The following SEPTIN6 variants were observed in gnomAD, a reference collection of about 807,000 sequenced individuals.
SEPTIN6 encodes the protein septin-6.
SEPTIN6 carries 8 observed loss-of-function variants against 33.6 expected under a neutral mutation model. That is an observed-to-expected ratio of 0.24 (90% CI 0.14 to 0.43). SEPTIN6 has a LOEUF of 0.43. Ranked by LOEUF, SEPTIN6 falls within the 20% of genes least tolerant of loss-of-function variation. SEPTIN6 has a pLI of 1.00. For missense variants in SEPTIN6, 250 were observed against 340.8 expected (o/e 0.73, Z 2.10); for synonymous variants, 131 against 140.0 (o/e 0.94, Z 0.45).
downstream of SEPTIN6, chrX:119,616,149 AC>A (rs1333584010): frequency 3.9e-5 from 8 of 204,443 alleles, no homozygotes; most frequent in Non-Finnish European, 7.3e-5. Flanking sequence ...CTAAGCTTAA[AC>A]CCCCTCCCTT....
intron 3 of SEPTIN6, among the ~76,000 whole-genome samples, chrX:119,654,885 T>C (rs2054413609): frequency 9.0e-6 from 1 of 111,347 alleles, no homozygotes; most frequent in Non-Finnish European, 1.9e-5. Flanking sequence ...ATCTCTTGGT[T>C]GCAAAGATCC....
At position 119,638,697 on chromosome X, in the gene SEPTIN6, C is replaced by T. The variant is rs569735924; in HGVS notation, c.788-1502G>A. On this transcript the variant is annotated intron_variant, in intron 6 of 10. Coordinates refer to ENST00000394610, the MANE Select transcript of SEPTIN6 (RefSeq NM_145799.4). ...GCCCCCTGCTGTCATAGAACACAGG[C>T]TAATATTAAAGATGACATCAGTAAG... Among the ~76,000 whole-genome samples the T allele has an allele frequency of 2.1e-4, 24 of 111,703 alleles. No homozygotes were observed. In the South Asian group the frequency reaches 8.6e-3, roughly 40 times the overall value.
intron 8 of SEPTIN6, among the ~76,000 whole-genome samples, chrX:119,630,106 G>C (rs1380454471): frequency 1.8e-5 from 2 of 111,860 alleles, no homozygotes; most frequent in East Asian, 5.6e-4. Context: ...GGCAACAGAG[G>C]AAGACTCCGT....
At chrX:119,683,096 T>C (rs1243342025) in intron 1 of SEPTIN6, among the ~76,000 whole-genome samples, 2 of 110,829 alleles carry the variant, frequency 1.8e-5, no homozygotes, top group East Asian at 5.6e-4. Context: ...CTACTGAAAA[T>C]ACAAAAATTA....
intron 8 of SEPTIN6, among the ~76,000 whole-genome samples, chrX:119,630,820 G>A (rs774996258): frequency 9.1e-6 from 1 of 109,918 alleles, no homozygotes; most frequent in African/African-American, 3.3e-5. Context: ...TTGAACCCGG[G>A]AGGCGGAGCT....
At chrX:119,686,743 A>G (rs774183041) in intron 1 of SEPTIN6, 1 of 375,663 alleles carries the variant, frequency 2.7e-6, no homozygotes, top group Non-Finnish European at 4.3e-6. Context: ...TGGTGGCTCC[A>G]AGATTTTTAT....
At chrX:119,684,802 G>A (rs1225446877) in intron 1 of SEPTIN6, among the ~76,000 whole-genome samples, 1 of 111,590 alleles carries the variant, frequency 9.0e-6, no homozygotes, top group African/African-American at 3.3e-5. Flanking sequence ...AGTTCCCACA[G>A]GTTTTAAAAA....
At chrX:119,635,083 T>C (rs1420632875) in intron 7 of SEPTIN6, 2 of 334,887 alleles carry the variant, frequency 6.0e-6, no homozygotes, top group East Asian at 1.7e-4. Context: ...TGGGAGGGAA[T>C]GGAGGGAGCA....
chrX:119,654,182 C>T (rs752194274), intron 3 of SEPTIN6, among the ~76,000 whole-genome samples: 4 of 111,591 alleles, frequency 3.6e-5, no homozygotes, highest in South Asian at 3.8e-4. Context: ...AGTCTCCACA[C>T]GCGGCTCCTC....
chrX:119,682,513 C>T (rs1185924574), intron 1 of SEPTIN6, among the ~76,000 whole-genome samples: 1 of 111,012 alleles, frequency 9.0e-6, no homozygotes, highest in Non-Finnish European at 1.9e-5. Context: ...TTTTTAAATA[C>T]GTTATACCAC....
At chrX:119,661,899 G>A (rs756164119) in intron 3 of SEPTIN6, among the ~76,000 whole-genome samples, 25 of 111,828 alleles carry the variant, frequency 2.2e-4, no homozygotes, top group Admixed American at 4.7e-4. Flanking sequence ...CATCACACCC[G>A]CCTAATTTTT....
intron 7 of SEPTIN6, among the ~76,000 whole-genome samples, chrX:119,635,413 A>G (rs1263775178): frequency 9.0e-6 from 1 of 111,088 alleles, no homozygotes; most frequent in Non-Finnish European, 1.9e-5. Context: ...ACAGAAAGTG[A>G]AAGGAGCAGA....
chrX:119,656,793 G>A (rs756412122), intron 3 of SEPTIN6, among the ~76,000 whole-genome samples: 1 of 112,339 alleles, frequency 8.9e-6, no homozygotes, highest in Non-Finnish European at 1.9e-5. Context: ...GGCTGAGGCA[G>A]GAGAATTGCT....
Position 119,618,474 on chromosome X carries a change from G to A in SEPTIN6, c.*1619C>T. 3 of 907,735 alleles carry A rather than the reference G, an allele frequency of 3.3e-6. No homozygotes were observed. Among genetic ancestry groups the A allele is most frequent in the Non-Finnish European group, 4.1e-6 (3 of 736,090 alleles). The allele number at this position is 907,735 out of a possible 1,213,427, so 74.8% of individuals were successfully genotyped here. A position where few individuals can be genotyped will look rare whatever the true frequency, so the allele number is the denominator to read the frequency against. On this transcript the variant is annotated 3_prime_UTR_variant, in exon 11 of 11. Transcript: ENST00000394610. ...CTTCCCCTTCTCAATACTTCAAAAA[G>A]GCCTGGAAATTTGGCATAACCTTGT...
chrX:119,664,840 CA>C (rs1199498493), intron 2 of SEPTIN6, among the ~76,000 whole-genome samples: 5,445 of 35,769 alleles, frequency 0.15, 216 homozygotes, highest in East Asian at 0.3. Context: ...GACTCCATCT[CA>C]AAAAAAAAAA....
rs111879900 is a variant in SEPTIN6, at chrX:119,652,774, T to C, written c.528+80A>G. On this transcript the variant is annotated intron_variant, in intron 4 of 10. Coordinates refer to ENST00000394610, the MANE Select transcript of SEPTIN6 (RefSeq NM_145799.4). ...GGAGAGGATGAGGATGCCACAAATC[T>C]CTCCCGGAATCCCACATCTACTTTG... 5.4e-5 allele frequency: 46 copies of C among 846,967 alleles called. 2 individuals carry two copies. Among genetic ancestry groups the C allele is most frequent in the African/African-American group, 4.9e-4 (24 of 48,947 alleles). The allele number at this position is 846,967 out of a possible 1,213,427, so 69.8% of individuals were successfully genotyped here.
chrX:119,628,281 ATT>A (rs35908035), intron 9 of SEPTIN6, among the ~76,000 whole-genome samples: 27 of 77,790 alleles, frequency 3.5e-4, no homozygotes, highest in African/African-American at 7.6e-4. Flanking sequence ...TAATTTCTGT[ATT>A]TTTTTTTTTT....
intron 5 of SEPTIN6, among the ~76,000 whole-genome samples, chrX:119,648,137 G>A (rs1254590767): frequency 9.1e-6 from 1 of 109,640 alleles, no homozygotes; most frequent in East Asian, 2.8e-4. Context: ...TTGAGGTTGA[G>A]CCTACCCTAG....
At chrX:119,649,111 ATTTTTTTTTTT>A (rs200217501) in intron 5 of SEPTIN6, among the ~76,000 whole-genome samples, 15 of 75,686 alleles carry the variant, frequency 2.0e-4, no homozygotes, top group Admixed American at 3.0e-4. Flanking sequence ...CATAACGCTG[ATTTTTTTTTTT>A]TTTTTTTTTT....
Sources: gnomAD v4.1 joint callset for allele counts (sites outside exome capture counted in the v4.1 genomes callset) on GRCh38, gnomAD v4.1.1 for gene constraint, MANE v1.5 for transcripts, NCBI Gene and HGNC (gene_info 2026-07-23, HGNC 2026-07-21) for gene names.